Variants in GLRA1 observed in about 807,000 individuals in gnomAD.
GLRA1 encodes the protein glycine receptor alpha 1.
A neutral mutation model predicts 48.3 loss-of-function variants in GLRA1; 37 were observed. That is an observed-to-expected ratio of 0.77 (90% CI 0.59 to 1.01). The LOEUF (loss-of-function observed/expected upper bound fraction) is 1.01. Ranked by LOEUF, GLRA1 falls within the 50% of genes least tolerant of loss-of-function variation. The probability of loss-of-function intolerance (pLI) is 0.00; values close to 1 mark genes in which losing one functional copy is unlikely to be tolerated. For synonymous variants in GLRA1, 196 were observed against 210.7 expected (o/e 0.93, Z 0.60); for missense variants, 427 against 571.0 (o/e 0.75, Z 2.57).
chr5:151,842,049 C>A, intron 7 of GLRA1, among the ~76,000 whole-genome samples: 1 of 126,062 alleles, frequency 7.9e-6, no homozygotes, highest in African/African-American at 3.2e-5. Context: ...AAGAGCAAAA[C>A]TCCATCTAAA....
At chr5:151,881,921 G>T (rs972523877) in intron 3 of GLRA1, among the ~76,000 whole-genome samples, 1 of 152,178 alleles carries the variant, frequency 6.6e-6, no homozygotes, top group Non-Finnish European at 1.5e-5. Flanking sequence ...AGCCTGGAAA[G>T]TTTCTGAAAC....
At position 151,872,445 on chromosome 5, in the gene GLRA1, G is replaced by A. The variant is rs1753510429; in HGVS notation, c.253-12437C>T. Among the ~76,000 whole-genome samples the A allele has an allele frequency of 1.3e-5, 2 of 149,682 alleles. 1 individual carries two copies. The highest frequency in any genetic ancestry group is 5.1e-5 in the African/African-American group (2 of 39,034). Reference sequence around the variant, plus strand: ...AGGATGAAGAGAAATAAACACTATTGTAGGGAATGTAAATTATTGAAGCTT... The same window carrying A: ...AGGATGAAGAGAAATAAACACTATTATAGGGAATGTAAATTATTGAAGCTT... On this transcript the variant is annotated intron_variant, in intron 3 of 8. Transcript: ENST00000274576.
At chr5:151,865,608 AT>A (rs1441912994) in intron 3 of GLRA1, among the ~76,000 whole-genome samples, 1 of 152,192 alleles carries the variant, frequency 6.6e-6, no homozygotes, top group African/African-American at 2.4e-5. Context: ...TTTATTACTA[AT>A]ATTTAAAAAT....
intron 7 of GLRA1, among the ~76,000 whole-genome samples, chr5:151,835,088 G>A (rs1763539450): frequency 2.7e-5 from 4 of 150,000 alleles, no homozygotes. Context: ...ATGATAAAGG[G>A]GATATCACCA....
intron 7 of GLRA1, among the ~76,000 whole-genome samples, chr5:151,833,494 C>G (rs1239916215): frequency 1.3e-5 from 2 of 152,018 alleles, no homozygotes; most frequent in Non-Finnish European, 2.9e-5. Context: ...GAGTTTTGCT[C>G]TTGTTGCCCC....
At chr5:151,830,733 G>A (rs1049777790) in intron 7 of GLRA1, among the ~76,000 whole-genome samples, 5 of 152,012 alleles carry the variant, frequency 3.3e-5, no homozygotes, top group African/African-American at 1.2e-4. Context: ...CAAATAATAC[G>A]AACTTTACGG....
At chr5:151,879,915 T>A (rs1446504797) in intron 3 of GLRA1, among the ~76,000 whole-genome samples, 1 of 152,180 alleles carries the variant, frequency 6.6e-6, no homozygotes, top group Non-Finnish European at 1.5e-5. Context: ...TGGGAGATAA[T>A]TGAATCGTTG....
chr5:151,878,473 G>A (rs1274659948), intron 3 of GLRA1, among the ~76,000 whole-genome samples: 1 of 152,178 alleles, frequency 6.6e-6, no homozygotes, highest in Admixed American at 6.5e-5. Flanking sequence ...CATAAGTAAT[G>A]AGGAGCCAAA....
intron 3 of GLRA1, among the ~76,000 whole-genome samples, chr5:151,866,542 G>C (rs576246290): frequency 8.5e-5 from 13 of 152,262 alleles, no homozygotes; most frequent in Admixed American, 5.2e-4. Context: ...ATTGCAGTCA[G>C]AACCAAGAGA....
At chr5:151,893,345 TTTCTTTCTTTCTTTCA>T (rs1754144985) in intron 1 of GLRA1, among the ~76,000 whole-genome samples, 1 of 148,942 alleles carries the variant, frequency 6.7e-6, no homozygotes. Flanking sequence ...TCTTTCTTTC[TTTCTTTCTTTCTTTCA>T]TTTTAGTTCT....
At chr5:151,834,081 A>G (rs1211446611) in intron 7 of GLRA1, among the ~76,000 whole-genome samples, 1 of 152,188 alleles carries the variant, frequency 6.6e-6, no homozygotes, top group African/African-American at 2.4e-5. Context: ...ACAAAAAATT[A>G]ACGAGGATAT....
intron 3 of GLRA1, among the ~76,000 whole-genome samples, chr5:151,873,476 A>G (rs562505310): frequency 4.7e-5 from 7 of 150,236 alleles, no homozygotes; most frequent in Admixed American, 3.3e-4. Flanking sequence ...CCTGGCCAAT[A>G]TGGTAAAACC....
chr5:151,896,531 A>G (rs1754231075), intron 1 of GLRA1, among the ~76,000 whole-genome samples: 1 of 152,214 alleles, frequency 6.6e-6, no homozygotes, highest in South Asian at 2.1e-4. Flanking sequence ...CACTGCTCTG[A>G]ATTTACCACA....
At chr5:151,886,606 T>G (rs1753912723) in intron 3 of GLRA1, 115 bp downstream of exon 3, 8 of 808,288 alleles carry the variant, frequency 9.9e-6, no homozygotes. Flanking sequence ...ACTGGAGACT[T>G]GAGAAAAACC....
chr5:151,831,304 T>C (rs894304088), intron 7 of GLRA1, among the ~76,000 whole-genome samples: 8 of 152,098 alleles, frequency 5.3e-5, no homozygotes, highest in Non-Finnish European at 8.8e-5. Flanking sequence ...GACAGAACCA[T>C]TCACTCCCCT....
At chr5:151,856,226 G>T in intron 5 of GLRA1, 75 bp downstream of exon 5, 2 of 933,422 alleles carry the variant, frequency 2.1e-6, no homozygotes, top group Non-Finnish European at 3.5e-6. Context: ...AGGAGCAGCT[G>T]TGTGGGAATT....
chr5:151,907,656 A>G (rs1417906298), intron 1 of GLRA1, among the ~76,000 whole-genome samples: 1 of 152,204 alleles, frequency 6.6e-6, no homozygotes, highest in African/African-American at 2.4e-5. Flanking sequence ...AATCGGAGGC[A>G]CTGTCTTTGT....
chr5:151,894,215 A>G (rs1479136367), intron 1 of GLRA1, among the ~76,000 whole-genome samples: 1 of 152,098 alleles, frequency 6.6e-6, no homozygotes, highest in African/African-American at 2.4e-5. Context: ...ATGTTCCCCA[A>G]GGATTTGTAC....
At position 151,918,637 on chromosome 5, in the gene GLRA1, G is replaced by T. The variant is rs1019987274; in HGVS notation, c.56+5857C>A. Reference sequence around the variant, plus strand: ...GGATAGCAATTTGGAAATCAGAAAAGGAGGGAATATAGAATTGCGAGGGAT... The same window carrying T: ...GGATAGCAATTTGGAAATCAGAAAATGAGGGAATATAGAATTGCGAGGGAT... On this transcript the variant is annotated intron_variant, in intron 1 of 8. Coordinates refer to ENST00000274576, the MANE Select transcript of GLRA1 (RefSeq NM_000171.4). 2.0e-5 allele frequency among the ~76,000 whole-genome samples: 3 copies of T among 152,312 alleles called. No individual in the cohort carries two copies. In the East Asian group the frequency reaches 5.8e-4, roughly 29 times the overall value.
Sources: gnomAD v4.1 joint callset for allele counts (sites outside exome capture counted in the v4.1 genomes callset) on GRCh38, gnomAD v4.1.1 for gene constraint, MANE v1.5 for transcripts, NCBI Gene and HGNC (gene_info 2026-07-23, HGNC 2026-07-21) for gene names.